Variants in DCAF5 observed in about 807,000 individuals in gnomAD.
DCAF5 encodes DDB1- and CUL4-associated factor 5.
In DCAF5, 9 loss-of-function variants were observed where a neutral mutation model predicts 80.7. The ratio of observed to expected loss-of-function variants is 0.11; its 90% CI spans 0.07 to 0.19. DCAF5 has a LOEUF of 0.19. Among genes scored for constraint, DCAF5 ranks in the 10% least tolerant of loss-of-function variants. The pLI, the probability that DCAF5 is intolerant of heterozygous loss-of-function variation, is 1.00. For synonymous variants in DCAF5, 433 were observed against 461.9 expected (o/e 0.94, Z 0.80); for missense variants, 842 against 1,205.7 (o/e 0.70, Z 4.47).
chr14:69,118,094 A>C lies in DCAF5; in HGVS notation c.535+45T>G. 1 of 1,606,666 alleles carries C rather than the reference A, an allele frequency of 6.2e-7. No homozygotes were observed. The highest frequency in any genetic ancestry group is 1.1e-5 in the South Asian group (1 of 90,678). On this transcript the variant is annotated intron_variant, in intron 4 of 8. Coordinates refer to ENST00000341516, the MANE Select transcript of DCAF5 (RefSeq NM_003861.3). The surrounding 1 kb of genome is among the most constrained non-coding windows in gnomAD (Gnocchi z 4.0). ...TTGGATCTTCAATGAATCTGACATC[A>C]AACTGTTCAACACAGTCCAACAGTC...
chr14:69,059,311 T>C (rs2038109909), intron 8 of DCAF5, among the ~76,000 whole-genome samples: 1 of 152,060 alleles, frequency 6.6e-6, no homozygotes, highest in Admixed American at 6.6e-5. Context: ...TAGGGACTCT[T>C]CTCCTAGCCA....
chr14:69,133,150 C>T (rs1312062343), intron 1 of DCAF5, among the ~76,000 whole-genome samples: 3 of 152,118 alleles, frequency 2.0e-5, no homozygotes, highest in African/African-American at 7.2e-5. Context: ...AACAACCCCA[C>T]GAAGTAGGAA....
intron 7 of DCAF5, among the ~76,000 whole-genome samples, chr14:69,065,254 G>A (rs1200592381): frequency 1.3e-5 from 2 of 151,846 alleles, no homozygotes; most frequent in Non-Finnish European, 1.5e-5. Context: ...CCACCACCAT[G>A]CCCAGCTAAT....
chr14:69,126,849 T>C (rs2040891564), intron 1 of DCAF5, among the ~76,000 whole-genome samples: 1 of 152,190 alleles, frequency 6.6e-6, no homozygotes, highest in Non-Finnish European at 1.5e-5. Flanking sequence ...CATCTAAATA[T>C]CCACATGCAT....
intron 5 of DCAF5, among the ~76,000 whole-genome samples, chr14:69,103,152 G>C (rs867301328): frequency 2.6e-5 from 4 of 152,188 alleles, no homozygotes; most frequent in African/African-American, 9.7e-5. Context: ...ATACCAATGA[G>C]TGAAAAGTCC....
At chr14:69,129,723 G>C (rs1334699493) in intron 1 of DCAF5, among the ~76,000 whole-genome samples, 2 of 152,234 alleles carry the variant, frequency 1.3e-5, no homozygotes, top group Admixed American at 6.5e-5. Flanking sequence ...AGCCTCAGGA[G>C]AGGGACCCTA....
At chr14:69,090,602 T>C (rs941491324) in intron 6 of DCAF5, 1 of 154,338 alleles carries the variant, frequency 6.5e-6, no homozygotes. Flanking sequence ...CCTTAAACTA[T>C]GACATTAGGA....
At chr14:69,095,028 A>C (rs2039655264) in intron 5 of DCAF5, among the ~76,000 whole-genome samples, 1 of 152,172 alleles carries the variant, frequency 6.6e-6, no homozygotes, top group Admixed American at 6.5e-5. Flanking sequence ...TAACCATACA[A>C]CATGGCACTT....
chr14:69,099,614 G>T (rs1224404231), intron 5 of DCAF5, among the ~76,000 whole-genome samples: 1 of 152,120 alleles, frequency 6.6e-6, no homozygotes, highest in Non-Finnish European at 1.5e-5. Flanking sequence ...TAATTTAACA[G>T]GTAAGCAAGT....
At chr14:69,116,202 T>G (rs949364095) in intron 5 of DCAF5, among the ~76,000 whole-genome samples, 164 bp downstream of exon 5, 1 of 152,250 alleles carries the variant, frequency 6.6e-6, no homozygotes, top group African/African-American at 2.4e-5. Flanking sequence ...CGCTGTCTAT[T>G]CCTTGGAAAC....
intron 5 of DCAF5, among the ~76,000 whole-genome samples, chr14:69,112,510 G>T (rs1467598308): frequency 6.6e-6 from 1 of 151,096 alleles, no homozygotes; most frequent in Non-Finnish European, 1.5e-5. Flanking sequence ...TGAGGCCTAG[G>T]CAACATAGTG....
At chr14:69,142,797 C>G (rs1421690738) in intron 1 of DCAF5, among the ~76,000 whole-genome samples, 3 of 152,186 alleles carry the variant, frequency 2.0e-5, no homozygotes, top group Non-Finnish European at 2.9e-5. Flanking sequence ...GAAATTCAGT[C>G]AAATGTAATC....
chr14:69,085,962 T>G (rs1322516030), intron 6 of DCAF5, among the ~76,000 whole-genome samples: 2 of 152,352 alleles, frequency 1.3e-5, no homozygotes, highest in Admixed American at 6.5e-5. Flanking sequence ...AGTCCTGGTT[T>G]TGCTAACAAT....
At chr14:69,113,240 A>G (rs927807095) in intron 5 of DCAF5, among the ~76,000 whole-genome samples, 3 of 152,142 alleles carry the variant, frequency 2.0e-5, no homozygotes, top group Non-Finnish European at 4.4e-5. Flanking sequence ...CTCCAAGGAG[A>G]TTATCTGTTT....
chr14:69,067,333 GTATCTTTTTT>G (rs2038484015), intron 7 of DCAF5, among the ~76,000 whole-genome samples: 1 of 123,948 alleles, frequency 8.1e-6, no homozygotes, highest in Admixed American at 9.8e-5. Flanking sequence ...AGCCGATTTC[GTATCTTTTTT>G]TTTTTTTTTT....
At chr14:69,060,824 G>A (rs1422248152) in intron 8 of DCAF5, among the ~76,000 whole-genome samples, 1 of 151,636 alleles carries the variant, frequency 6.6e-6, no homozygotes, top group Non-Finnish European at 1.5e-5. Context: ...GAGCCACCAC[G>A]CCTGGCCTCA....
chr14:69,107,931 C>A (rs1207370834), intron 5 of DCAF5, among the ~76,000 whole-genome samples: 1 of 152,190 alleles, frequency 6.6e-6, no homozygotes, highest in Non-Finnish European at 1.5e-5. Flanking sequence ...AAACACGCAC[C>A]TGCCCTTAAA....
At chr14:69,144,496 T>C (rs2041475143) in intron 1 of DCAF5, among the ~76,000 whole-genome samples, 1 of 151,444 alleles carries the variant, frequency 6.6e-6, no homozygotes. Flanking sequence ...GGCATGAACC[T>C]GGGAGGTGGA....
intron 5 of DCAF5, among the ~76,000 whole-genome samples, chr14:69,112,851 G>A (rs1174177325): frequency 6.6e-6 from 1 of 152,052 alleles, no homozygotes; most frequent in African/African-American, 2.4e-5. Flanking sequence ...GCCTATTAAG[G>A]TGTACTACCT....
Sources: gnomAD v4.1 joint callset for allele counts (sites outside exome capture counted in the v4.1 genomes callset) on GRCh38, gnomAD v4.1.1 for gene constraint, Gnocchi (gnomAD v3.1) non-coding constraint, MANE v1.5 for transcripts, NCBI Gene and HGNC (gene_info 2026-07-23, HGNC 2026-07-21) for gene names.